The following AANAT variants were observed in gnomAD, a reference collection of about 807,000 sequenced individuals.
AANAT encodes serotonin N-acetyltransferase.
Under a neutral mutation model 15.6 loss-of-function variants are expected in AANAT, and 11 were observed. That is an observed-to-expected ratio of 0.71 (90% confidence interval 0.44 to 1.17). The LOEUF is 1.17. Ranked by LOEUF, AANAT falls within the 50% of genes most tolerant of loss-of-function variation. The probability of loss-of-function intolerance (pLI) is 0.00; values close to 1 mark genes in which losing one functional copy is unlikely to be tolerated. For synonymous variants in AANAT, 139 were observed against 131.5 expected (o/e 1.06, Z -0.39); for missense variants, 286 against 296.3 (o/e 0.97, Z 0.26).
intron 1 of AANAT, among the ~76,000 whole-genome samples, chr17:76,454,407 C>A (rs1325539587): frequency 6.7e-6 from 1 of 150,194 alleles, no homozygotes; most frequent in African/African-American, 2.5e-5. Context: ...ATCGCTTGAA[C>A]CTGGGAGGCT....
At chr17:76,457,567 T>C (rs1415165573) in intron 1 of AANAT, among the ~76,000 whole-genome samples, 1 of 152,226 alleles carries the variant, frequency 6.6e-6, no homozygotes, top group Non-Finnish European at 1.5e-5. Flanking sequence ...GATACTCTAC[T>C]AAGTGCTTTA....
chr17:76,467,829 T>C (rs1249208529), intron 1 of AANAT, 102 bp downstream of exon 1: 3 of 786,042 alleles, frequency 3.8e-6, no homozygotes, highest in East Asian at 1.3e-4. Flanking sequence ...ATGGAGTTTA[T>C]TAAGTGTCTT....
In AANAT at chr17:76,469,009, A is replaced by G. The variant is rs1051775271; in HGVS notation, c.163+100A>G. 2 of 1,489,088 alleles carry G rather than the reference A, an allele frequency of 1.3e-6. No individual in the cohort carries two copies. Among genetic ancestry groups the G allele is most frequent in the Non-Finnish European group, 1.8e-6 (2 of 1,090,526 alleles). 92.2% of individuals were successfully genotyped at this position (1,489,088 alleles called of 1,614,324 possible). ...CTCCTGTCCTTGGAGGCTGGGTCCC[A>G]GAGTATCAGACCATGTGTGCGCTCA... On this transcript the variant is annotated intron_variant, in intron 2 of 3. Coordinates refer to ENST00000392492, the MANE Select transcript of AANAT (RefSeq NM_001088.3). The surrounding 1 kb of genome is among the most constrained non-coding windows in gnomAD (Gnocchi z 5.2).
chr17:76,461,440 G>A (rs1019365715), intron 2 of AANAT, among the ~76,000 whole-genome samples: 3 of 151,516 alleles, frequency 2.0e-5, no homozygotes, highest in South Asian at 2.1e-4. Flanking sequence ...GTGAAACCCC[G>A]TCTCTATTAA....
At chr17:76,458,192 G>A (rs1598635565) in intron 1 of AANAT, among the ~76,000 whole-genome samples, 1 of 151,916 alleles carries the variant, frequency 6.6e-6, no homozygotes, top group Non-Finnish European at 1.5e-5. Flanking sequence ...CCTTTCAAGT[G>A]CCCCCAGTTT....
chr17:76,468,393 A>G (rs1302206447), intron 1 of AANAT, among the ~76,000 whole-genome samples: 1 of 152,190 alleles, frequency 6.6e-6, no homozygotes, highest in Non-Finnish European at 1.5e-5. Context: ...TCTGGGGCTC[A>G]GAAGCACCCA....
upstream of AANAT, chr17:76,466,222 G>A (rs868108781): frequency 6.5e-6 from 10 of 1,534,800 alleles, no homozygotes; most frequent in Middle Eastern, 5.0e-4. Flanking sequence ...GGGGGACCCT[G>A]GAGGTTGAAG....
intron 2 of AANAT, among the ~76,000 whole-genome samples, chr17:76,459,733 G>A (rs916157530): frequency 1.3e-5 from 2 of 152,224 alleles, no homozygotes; most frequent in Admixed American, 6.5e-5. Flanking sequence ...CTTTCTGTAA[G>A]GTGGGAATAA....
upstream of AANAT, among the ~76,000 whole-genome samples, chr17:76,464,341 T>TAAA (rs553446724): frequency 2.2e-5 from 3 of 133,544 alleles, no homozygotes; most frequent in Admixed American, 7.5e-5. Flanking sequence ...GACTCTGTCT[T>TAAA]AAAAAAAAAA....
chr17:76,459,786 C>A (rs939067461), intron 2 of AANAT, among the ~76,000 whole-genome samples: 2 of 152,196 alleles, frequency 1.3e-5, no homozygotes, highest in African/African-American at 4.8e-5. Flanking sequence ...TGTAACTGAC[C>A]AACTGAATAT....
Position 76,469,810 on chromosome 17 carries a change from G to A in AANAT, c.464G>A (p.Arg155Gln), listed in dbSNP as rs771212777. ...CTGGGCAGCCAGCCGGCCGTGCGCC[G>A]GGCCGCGCTCATGTGCGAGGACGCG... ...HHLGSQPAVR[R>Q]AALMCEDALV... The change falls in exon 4 of 4, where the codon CGG (arginine) becomes CAG (glutamine). Residue 155 changes from arginine to glutamine, a missense_variant. Arg to Gln is a conservative substitution (Grantham distance 43). Coordinates refer to ENST00000392492, the MANE Select transcript of AANAT (RefSeq NM_001088.3). This position sits in a 1 kb window ranked among gnomAD's most constrained non-coding sequence, Gnocchi z 5.2. 69 of 1,603,402 alleles carry A rather than the reference G, an allele frequency of 4.3e-5. No homozygotes were observed. Among genetic ancestry groups the A allele is most frequent in the Non-Finnish European group, 5.4e-5 (64 of 1,176,142 alleles).
chr17:76,468,037 C>T (rs937002252), intron 1 of AANAT, among the ~76,000 whole-genome samples: 135 of 152,158 alleles, frequency 8.9e-4, no homozygotes, highest in African/African-American at 3.2e-3. Flanking sequence ...CCCCACCCCC[C>T]ACCACAAATC....
At chr17:76,468,470 G>A (rs2073464322) in intron 1 of AANAT, 1 of 588,854 alleles carries the variant, frequency 1.7e-6, no homozygotes, top group Non-Finnish European at 3.0e-6. Flanking sequence ...CCTTCTGGCT[G>A]AGAGGGAAAG....
intron 1 of AANAT, among the ~76,000 whole-genome samples, chr17:76,457,837 T>C (rs149745886): frequency 4.0e-4 from 61 of 152,256 alleles, no homozygotes; most frequent in Non-Finnish European, 7.2e-4. Flanking sequence ...GTCAGGAGCT[T>C]GAGACCTGGC....
upstream of AANAT, among the ~76,000 whole-genome samples, chr17:76,463,289 T>G (rs1307375577): frequency 3.4e-5 from 5 of 148,832 alleles, no homozygotes; most frequent in Non-Finnish European, 7.4e-5. Flanking sequence ...TCCACCCATT[T>G]CTCCCTTCTG....
At chr17:76,455,598 T>G (rs1289391755) in intron 1 of AANAT, among the ~76,000 whole-genome samples, 1 of 151,100 alleles carries the variant, frequency 6.6e-6, no homozygotes, top group Non-Finnish European at 1.5e-5. Context: ...TTCCACATTT[T>G]TCTACACGAT....
At chr17:76,459,000 T>C (rs2073363844) in intron 1 of AANAT, among the ~76,000 whole-genome samples, 1 of 152,174 alleles carries the variant, frequency 6.6e-6, no homozygotes, top group Admixed American at 6.5e-5. Context: ...CCCTTCTCAT[T>C]CCTGGAGCCT....
At chr17:76,467,183 A>T (rs552255722), upstream of AANAT, among the ~76,000 whole-genome samples, 88 of 152,196 alleles carry the variant, frequency 5.8e-4, no homozygotes, top group Non-Finnish European at 1.0e-3. Flanking sequence ...TGGTAGGGCA[A>T]CCTCCTGAAT....
In AANAT at chr17:76,468,739, T is replaced by C; in HGVS notation, c.-8T>C. ...CTGGGGCGCCCCAAGGAGGCACCAG[T>C]GGCCAGAATGTCCACGCAGAGCACC... On this transcript the variant is annotated 5_prime_UTR_variant, in exon 2 of 4. Coordinates refer to ENST00000392492, the MANE Select transcript of AANAT (RefSeq NM_001088.3). 6.2e-7 allele frequency: 1 copy of C among 1,609,436 alleles called. No homozygotes were observed. Among genetic ancestry groups the C allele is most frequent in the Non-Finnish European group, 8.5e-7 (1 of 1,178,642 alleles).
Sources: allele counts gnomAD v4.1 joint callset (sites outside exome capture counted in the v4.1 genomes callset), GRCh38; gene constraint gnomAD v4.1.1; non-coding constraint Gnocchi (gnomAD v3.1); transcripts MANE v1.5; gene names NCBI Gene and HGNC (gene_info 2026-07-23, HGNC 2026-07-21).